Variants in UBE2E2 observed in about 807,000 individuals in gnomAD.
UBE2E2 encodes ubiquitin conjugating enzyme E2 E2.
In UBE2E2, 6 loss-of-function variants were observed where a neutral mutation model predicts 24.7. The ratio of observed to expected loss-of-function variants is 0.24; its 90% CI spans 0.13 to 0.48. UBE2E2 has a LOEUF of 0.48. Ranked by LOEUF, UBE2E2 falls within the 20% of genes least tolerant of loss-of-function variation. The probability of loss-of-function intolerance (pLI) is 0.99; values close to 1 mark genes in which losing one functional copy is unlikely to be tolerated. For missense variants in UBE2E2, 169 were observed against 245.0 expected, an observed-to-expected ratio of 0.69 and a Z score of 2.07; for synonymous variants, 104 against 83.6, an observed-to-expected ratio of 1.24 and a Z score of -1.33.
intron 3 of UBE2E2, among the ~76,000 whole-genome samples, chr3:23,291,174 C>T (rs1698756901): frequency 6.6e-6 from 1 of 151,650 alleles, no homozygotes; most frequent in Admixed American, 6.6e-5. Flanking sequence ...ATAGCTTGGC[C>T]AGATAAGGGA....
At chr3:23,340,630 T>C (rs1434979610) in intron 3 of UBE2E2, among the ~76,000 whole-genome samples, 2 of 152,156 alleles carry the variant, frequency 1.3e-5, no homozygotes, top group Non-Finnish European at 2.9e-5. Flanking sequence ...GTGGGAATTA[T>C]TTTAAAACAA....
intron 4 of UBE2E2, among the ~76,000 whole-genome samples, chr3:23,522,274 G>A (rs1229150473): frequency 6.6e-6 from 1 of 151,894 alleles, no homozygotes; most frequent in South Asian, 2.1e-4. Context: ...GGGACTACAG[G>A]CGCCCGCCAC....
intron 3 of UBE2E2, among the ~76,000 whole-genome samples, chr3:23,293,507 A>G (rs1698825675): frequency 6.6e-6 from 1 of 152,224 alleles, no homozygotes; most frequent in African/African-American, 2.4e-5. Context: ...TTATGAGATA[A>G]TACGGTCTTA....
At chr3:23,320,498 TAGC>T (rs1694712084) in intron 3 of UBE2E2, among the ~76,000 whole-genome samples, 2 of 152,362 alleles carry the variant, frequency 1.3e-5, no homozygotes, top group Admixed American at 1.3e-4. Context: ...TATTTTTTAA[TAGC>T]AGTCACCCCA....
At chr3:23,491,603 A>C (rs1699497455) in intron 3 of UBE2E2, among the ~76,000 whole-genome samples, 1 of 152,198 alleles carries the variant, frequency 6.6e-6, no homozygotes, top group Admixed American at 6.6e-5. Context: ...GTATGATTGG[A>C]GTAATAGAGT....
chr3:23,215,077 C>T (rs1212569521), intron 2 of UBE2E2, among the ~76,000 whole-genome samples: 3 of 151,800 alleles, frequency 2.0e-5, no homozygotes, highest in African/African-American at 7.3e-5. Context: ...TATTGGTTGC[C>T]TTTATAGTCT....
At chr3:23,460,135 C>T (rs1254734311) in intron 3 of UBE2E2, among the ~76,000 whole-genome samples, 1 of 152,142 alleles carries the variant, frequency 6.6e-6, no homozygotes, top group African/African-American at 2.4e-5. Flanking sequence ...ATTATTTGGA[C>T]CAGATGCATC....
At chr3:23,210,731 T>C (rs1696300140) in intron 2 of UBE2E2, among the ~76,000 whole-genome samples, 1 of 152,168 alleles carries the variant, frequency 6.6e-6, no homozygotes, top group African/African-American at 2.4e-5. Flanking sequence ...ATTGCATTGG[T>C]GAAAATAGGA....
intron 3 of UBE2E2, among the ~76,000 whole-genome samples, chr3:23,301,164 T>C (rs1030873597): frequency 6.6e-6 from 1 of 152,214 alleles, no homozygotes; most frequent in African/African-American, 2.4e-5. Flanking sequence ...TCTGCATTAG[T>C]TATTCTAGTT....
chr3:23,424,541 T>TA (rs1250792885), intron 3 of UBE2E2, among the ~76,000 whole-genome samples: 1 of 152,138 alleles, frequency 6.6e-6, no homozygotes, highest in Non-Finnish European at 1.5e-5. Context: ...CTGCTTGGAT[T>TA]AATGAACATA....
chr3:23,332,278 GACT>G (rs547720122), intron 3 of UBE2E2, among the ~76,000 whole-genome samples: 140 of 152,152 alleles, frequency 9.2e-4, no homozygotes, highest in African/African-American at 3.2e-3. Flanking sequence ...GAGTAGCTGG[GACT>G]ACAAGTGCTG....
chr3:23,357,729 C>G (rs927211914), intron 3 of UBE2E2, among the ~76,000 whole-genome samples: 1 of 152,020 alleles, frequency 6.6e-6, no homozygotes, highest in African/African-American at 2.4e-5. Context: ...CTCTGAGGGG[C>G]GATTTGACCC....
chr3:23,347,832 A>G (rs76336965), intron 3 of UBE2E2, among the ~76,000 whole-genome samples: 202 of 152,294 alleles, frequency 1.3e-3, no homozygotes, highest in Middle Eastern at 6.8e-3. Context: ...GTTTATTCTT[A>G]GAGCCATCCT....
intron 3 of UBE2E2, among the ~76,000 whole-genome samples, chr3:23,427,120 C>T (rs765055314): frequency 7.9e-5 from 12 of 151,652 alleles, no homozygotes; most frequent in Non-Finnish European, 1.8e-4. Flanking sequence ...AATCATTTTT[C>T]AAAAAGTTAA....
chr3:23,405,868 A>T (rs973552798), intron 3 of UBE2E2, among the ~76,000 whole-genome samples: 2 of 152,176 alleles, frequency 1.3e-5, no homozygotes, highest in African/African-American at 4.8e-5. Context: ...GCAAGTCTGG[A>T]TCAAAGTGAT....
chr3:23,450,811 C>T (rs1232899650), intron 3 of UBE2E2, among the ~76,000 whole-genome samples: 1 of 152,128 alleles, frequency 6.6e-6, no homozygotes, highest in Non-Finnish European at 1.5e-5. Flanking sequence ...AAACACCTTA[C>T]ATTAGTATAG....
At chr3:23,319,477 T>G (rs1442012590) in intron 3 of UBE2E2, among the ~76,000 whole-genome samples, 6 of 152,198 alleles carry the variant, frequency 3.9e-5, no homozygotes, top group African/African-American at 1.4e-4. Flanking sequence ...CCAGATACTA[T>G]TCTGATTTCT....
chr3:23,396,436 A>G (rs565427615), intron 3 of UBE2E2, among the ~76,000 whole-genome samples: 1 of 151,534 alleles, frequency 6.6e-6, no homozygotes, highest in East Asian at 1.9e-4. Flanking sequence ...TATACGTCGT[A>G]TACATACATG....
At chr3:23,313,147 G>T (rs77046089) in intron 3 of UBE2E2, among the ~76,000 whole-genome samples, 4,364 of 151,910 alleles carry the variant, frequency 0.029, 110 homozygotes, top group East Asian at 0.13. Context: ...ATATTTCTTT[G>T]TTGATTTTCT....
Sources: gnomAD v4.1 joint callset for allele counts (sites outside exome capture counted in the v4.1 genomes callset) on GRCh38, gnomAD v4.1.1 for gene constraint, MANE v1.5 for transcripts, NCBI Gene and HGNC (gene_info 2026-07-23, HGNC 2026-07-21) for gene names.